The following BAIAP2L1 variants were observed in gnomAD, a reference collection of about 807,000 sequenced individuals.
BAIAP2L1 encodes the protein BAR/IMD domain containing adaptor protein 2 like 1, also known as BAR/IMD domain-containing adapter protein 2-like 1.
A neutral mutation model predicts 66.3 loss-of-function variants in BAIAP2L1; 35 were observed. That is an observed-to-expected ratio of 0.53 (90% confidence interval 0.40 to 0.70). The LOEUF is 0.70. BAIAP2L1 is among the 30% of genes least tolerant of loss of function. The probability of loss-of-function intolerance (pLI) is 0.00; values close to 1 mark genes in which losing one functional copy is unlikely to be tolerated. For synonymous variants in BAIAP2L1, 269 were observed against 248.7 expected (o/e 1.08, Z -0.77); for missense variants, 622 against 656.9 (o/e 0.95, Z 0.58).
At chr7:98,398,800 AAGC>A (rs748284143) in intron 1 of BAIAP2L1, among the ~76,000 whole-genome samples, 11 of 152,294 alleles carry the variant, frequency 7.2e-5, no homozygotes, top group African/African-American at 9.6e-5. Flanking sequence ...GGGAGAAAAA[AAGC>A]AGGGTTTAAC....
intron 9 of BAIAP2L1, 173 bp from the exon 10 acceptor site, chr7:98,308,069 G>A (rs750966628): frequency 2.5e-5 from 18 of 729,282 alleles, no homozygotes; most frequent in Non-Finnish European, 3.9e-5. Context: ...AAGGAACAGG[G>A]ACTGTTGAGA....
intron 12 of BAIAP2L1, among the ~76,000 whole-genome samples, chr7:98,301,518 C>T (rs969859075): frequency 1.3e-4 from 20 of 148,966 alleles, no homozygotes; most frequent in East Asian, 6.0e-4. Flanking sequence ...GGGATTTCAC[C>T]GTGTTAGCCA....
At chr7:98,311,181 C>A (rs1425069230) in intron 8 of BAIAP2L1, among the ~76,000 whole-genome samples, 1 of 152,110 alleles carries the variant, frequency 6.6e-6, no homozygotes, top group East Asian at 1.9e-4. Flanking sequence ...CAGAGTGTGT[C>A]TAATTTATTC....
At chr7:98,355,336 G>A (rs994916714) in intron 2 of BAIAP2L1, 11 of 578,604 alleles carry the variant, frequency 1.9e-5, no homozygotes, top group African/African-American at 1.1e-4. Context: ...TGAGATCCTC[G>A]TCTCTGACCA....
intron 3 of BAIAP2L1, among the ~76,000 whole-genome samples, chr7:98,354,810 T>C (rs1392390641): frequency 6.6e-6 from 1 of 152,056 alleles, no homozygotes; most frequent in Non-Finnish European, 1.5e-5. Context: ...AAAGCTCAAG[T>C]TCCTAGGAGA....
intron 1 of BAIAP2L1, among the ~76,000 whole-genome samples, chr7:98,389,328 A>T (rs928404043): frequency 1.4e-4 from 21 of 151,252 alleles, no homozygotes; most frequent in Non-Finnish European, 2.1e-4. Flanking sequence ...CTTATTTTTT[A>T]TTTTTTTTGA....
intron 1 of BAIAP2L1, among the ~76,000 whole-genome samples, chr7:98,371,215 A>T (rs1457116943): frequency 6.6e-6 from 1 of 152,228 alleles, no homozygotes; most frequent in East Asian, 1.9e-4. Flanking sequence ...AGAAAAAAAA[A>T]TAGCAATAGC....
intron 12 of BAIAP2L1, among the ~76,000 whole-genome samples, chr7:98,294,773 A>G (rs1475640727): frequency 2.0e-5 from 3 of 152,220 alleles, no homozygotes; most frequent in Non-Finnish European, 1.5e-5. Flanking sequence ...TGGGGCTGCT[A>G]GAGCCAGGGA....
Position 98,304,264 on chromosome 7 carries a change from T to G in BAIAP2L1, c.1354A>C (p.Arg452=). 1 of 1,613,626 alleles carries G rather than the reference T, an allele frequency of 6.2e-7. No individual in the cohort carries two copies. The highest frequency in any genetic ancestry group is 8.5e-7 in the Non-Finnish European group (1 of 1,179,762). The change falls in exon 12 of 14, where the codon AGA becomes CGA. Residue 452 remains arginine (R), a synonymous_variant. Transcript: ENST00000005260. ...GATGTCGTCCTGGCCGAATCTGCTC[T>G]CCTGTCGGCAGCTGCCCCCATGGAC... ...CLSMGAAADR[R]ADSARTTSTF... is the part of the protein sequence containing the mutation.
At chr7:98,355,383 C>T (rs1802095802) in intron 2 of BAIAP2L1, 2 of 503,310 alleles carry the variant, frequency 4.0e-6, no homozygotes, top group South Asian at 4.6e-5. Context: ...GCTGAAAGTC[C>T]AGAGAAGGCT....
At position 98,304,263 on chromosome 7, in the gene BAIAP2L1, C is replaced by G; in HGVS notation, c.1355G>C (p.Arg452Thr). The change falls in exon 12 of 14, where the codon AGA becomes ACA. Residue 452 changes from arginine to threonine, a missense_variant. Physicochemically the swap from Arg to Thr is moderately conservative, Grantham distance 71. Transcript: ENST00000005260. ...CLSMGAAADR[R>T]ADSARTTSTF... ...GGATGTCGTCCTGGCCGAATCTGCT[C>G]TCCTGTCGGCAGCTGCCCCCATGGA... 1 of 1,613,666 alleles carries G rather than the reference C, an allele frequency of 6.2e-7. No individual in the cohort carries two copies. The highest frequency in any genetic ancestry group is 2.2e-5 in the East Asian group (1 of 44,838).
intron 12 of BAIAP2L1, among the ~76,000 whole-genome samples, chr7:98,303,599 C>T (rs1800514353): frequency 6.6e-6 from 1 of 152,198 alleles, no homozygotes; most frequent in African/African-American, 2.4e-5. Flanking sequence ...CCTTGTTCTC[C>T]TCTAGCTGGA....
rs1800002547 is a variant in BAIAP2L1 at position 98,292,391 on chromosome 7, TAG to T, written c.*1128_*1129del. The T allele has an allele frequency of 1.0e-5, 5 of 488,436 alleles. No individual in the cohort carries two copies. Among genetic ancestry groups the T allele is most frequent in the Non-Finnish European group, 1.5e-5 (4 of 272,258 alleles). 30.3% of individuals were successfully genotyped at this position (488,436 alleles called of 1,614,324 possible). On this transcript the variant is annotated 3_prime_UTR_variant, in exon 14 of 14. Coordinates refer to ENST00000005260, the MANE Select transcript of BAIAP2L1 (RefSeq NM_018842.5). Reference sequence around the variant, plus strand: ...ACCTGTCTAATTTTTGTATTTTTAGTAGAGACTCCTGACCTCAGGTGATCCCC... The same window carrying T: ...ACCTGTCTAATTTTTGTATTTTTAGTAGACTCCTGACCTCAGGTGATCCCC...
chr7:98,357,347 T>C (rs1802161038), intron 2 of BAIAP2L1, among the ~76,000 whole-genome samples: 1 of 150,938 alleles, frequency 6.6e-6, no homozygotes, highest in Non-Finnish European at 1.5e-5. Flanking sequence ...GGCAGGAGGA[T>C]CACGAGGTCA....
chr7:98,375,800 T>A (rs1802614098), intron 1 of BAIAP2L1, among the ~76,000 whole-genome samples: 2 of 149,190 alleles, frequency 1.3e-5, no homozygotes, highest in South Asian at 4.2e-4. Context: ...ACAGTCACAC[T>A]GGTTCCCTTT....
In BAIAP2L1 at chr7:98,315,481, G is replaced by A. The variant is rs146436217; in HGVS notation, c.618C>T (p.His206=). ...CCACCTGTAAGTGATAATAATGTAT[G>A]TGGTTTGCAAAGCCACAGTGCTTAT... ...LVDKHCGFAN[H]IHYYHLQSAE... Residue 206 remains histidine, a synonymous_variant, in exon 7 of 14, where the codon CAC becomes CAT. Coordinates refer to ENST00000005260, the MANE Select transcript of BAIAP2L1 (RefSeq NM_018842.5). 315 of 1,498,152 alleles carry A rather than the reference G, an allele frequency of 2.1e-4. No individual in the cohort carries two copies. Among genetic ancestry groups the A allele is most frequent in the Non-Finnish European group, 2.6e-4 (288 of 1,118,970 alleles). 92.8% of individuals were successfully genotyped at this position (1,498,152 alleles called of 1,614,324 possible). A position where few individuals can be genotyped will look rare whatever the true frequency, so the allele number is the denominator to read the frequency against.
intron 3 of BAIAP2L1, among the ~76,000 whole-genome samples, chr7:98,337,138 T>G (rs1450918168): frequency 6.6e-6 from 1 of 152,072 alleles, no homozygotes; most frequent in Non-Finnish European, 1.5e-5. Context: ...CACGGCGAGG[T>G]TACGAGGCAG....
intron 3 of BAIAP2L1, among the ~76,000 whole-genome samples, chr7:98,348,617 C>A (rs1024794543): frequency 6.6e-6 from 1 of 151,042 alleles, no homozygotes; most frequent in Non-Finnish European, 1.5e-5. Context: ...GTTATATATT[C>A]TTTTATTACT....
At chr7:98,361,355 T>TG (rs1244633147) in intron 2 of BAIAP2L1, among the ~76,000 whole-genome samples, 2 of 147,846 alleles carry the variant, frequency 1.4e-5, no homozygotes, top group Non-Finnish European at 3.0e-5. Context: ...AGACTCTGTC[T>TG]GGGAAAAAAA....
Sources: gnomAD v4.1 joint callset for allele counts (sites outside exome capture counted in the v4.1 genomes callset) on GRCh38, gnomAD v4.1.1 for gene constraint, MANE v1.5 for transcripts, NCBI Gene and HGNC (gene_info 2026-07-23, HGNC 2026-07-21) for gene names.